The following ATL3 variants were observed in gnomAD, a reference collection of about 807,000 sequenced individuals.
ATL3 encodes atlastin GTPase 3, also known as atlastin-3.
Under a neutral mutation model 69.5 loss-of-function variants are expected in ATL3, and 49 were observed. That is an observed-to-expected ratio of 0.71 (90% CI 0.56 to 0.89). The LOEUF is 0.89. ATL3 is among the 40% of genes least tolerant of loss of function. The probability of loss-of-function intolerance (pLI) is 0.00; values close to 1 mark genes in which losing one functional copy is unlikely to be tolerated. For synonymous variants in ATL3, 214 were observed against 224.1 expected (o/e 0.95, Z 0.40); for missense variants, 606 against 645.7 (o/e 0.94, Z 0.67).
chr11:63,671,420 G>T, upstream of ATL3: 2 of 1,516,744 alleles, frequency 1.3e-6, no homozygotes, highest in Non-Finnish European at 1.8e-6. Flanking sequence ...CCCTGGAAGC[G>T]GGAAACGGGC....
intron 12 of ATL3, 69 bp from the exon 13 acceptor site, chr11:63,629,474 T>C (rs1939234571): frequency 7.2e-7 from 1 of 1,393,100 alleles, no homozygotes; most frequent in African/African-American, 1.4e-5. Context: ...AGTAAGTCCT[T>C]AAACTTTCAA....
intron 1 of ATL3, among the ~76,000 whole-genome samples, chr11:63,669,292 T>C (rs1940696142): frequency 6.6e-6 from 1 of 152,002 alleles, no homozygotes; most frequent in African/African-American, 2.4e-5. Context: ...CCCAGCACTT[T>C]GGGAGGCCGA....
chr11:63,637,867 A>T (rs535487888), intron 8 of ATL3: 41 of 152,368 alleles, frequency 2.7e-4, no homozygotes, highest in Non-Finnish European at 5.0e-4. Context: ...GTATAAAAGT[A>T]TACATAACAG....
At chr11:63,671,741 T>C, upstream of ATL3, 3 of 1,223,376 alleles carry the variant, frequency 2.5e-6, no homozygotes, top group African/African-American at 4.9e-5. Context: ...GGGGCGGGGC[T>C]TGGCGTGGTT....
chr11:63,660,982 G>A (rs1365902424), intron 1 of ATL3, among the ~76,000 whole-genome samples: 1 of 151,868 alleles, frequency 6.6e-6, no homozygotes, highest in Non-Finnish European at 1.5e-5. Context: ...GGGAGGCCAA[G>A]GCAAGCTGAT....
intron 4 of ATL3, among the ~76,000 whole-genome samples, chr11:63,652,261 CT>C (rs1405289548): frequency 2.0e-5 from 3 of 152,024 alleles, no homozygotes; most frequent in Non-Finnish European, 2.9e-5. Context: ...TTGGACTTTT[CT>C]TGGAACATAT....
intron 11 of ATL3, 64 bp downstream of exon 11, chr11:63,632,962 T>A: frequency 1.4e-6 from 2 of 1,477,954 alleles, no homozygotes; most frequent in Non-Finnish European, 1.9e-6. Context: ...CAAGTTGGGC[T>A]TTTGAAGTCA....
At chr11:63,638,718 A>G (rs936391788) in intron 8 of ATL3, among the ~76,000 whole-genome samples, 3 of 151,426 alleles carry the variant, frequency 2.0e-5, no homozygotes, top group African/African-American at 7.3e-5. Flanking sequence ...CTCAAAAAAC[A>G]AAACAAAACA....
chr11:63,654,839 G>C (rs1007617735), intron 3 of ATL3, among the ~76,000 whole-genome samples: 1 of 150,848 alleles, frequency 6.6e-6, no homozygotes, highest in African/African-American at 2.4e-5. Context: ...TGGGATTACA[G>C]GTGCACACCA....
At chr11:63,632,746 G>C (rs1939364504) in intron 11 of ATL3, 4 of 1,075,904 alleles carry the variant, frequency 3.7e-6, no homozygotes, top group Non-Finnish European at 5.7e-6. Flanking sequence ...CTTTTGACTT[G>C]ATTATTGTCT....
At chr11:63,635,673 C>T (rs1441792475) in intron 9 of ATL3, 83 bp from the exon 10 acceptor site, 2 of 1,097,126 alleles carry the variant, frequency 1.8e-6, no homozygotes, top group South Asian at 1.4e-5. Flanking sequence ...AGTGACCATA[C>T]AACTGCATTT....
chr11:63,657,883 G>A (rs372271786), intron 3 of ATL3, among the ~76,000 whole-genome samples: 6 of 147,016 alleles, frequency 4.1e-5, no homozygotes, highest in East Asian at 4.0e-4. Context: ...TTGAGACGGA[G>A]TCTCGTACTG....
At chr11:63,660,770 A>G (rs1470945304) in intron 1 of ATL3, among the ~76,000 whole-genome samples, 1 of 152,144 alleles carries the variant, frequency 6.6e-6, no homozygotes, top group Non-Finnish European at 1.5e-5. Context: ...AGCTTTACTC[A>G]AAACAGTCCA....
intron 5 of ATL3, 127 bp from the exon 6 acceptor site, chr11:63,646,690 G>T: frequency 1.9e-6 from 1 of 520,172 alleles, no homozygotes; most frequent in Non-Finnish European, 3.4e-6. Flanking sequence ...GCCCACAGGA[G>T]TCATGAACCT....
rs928419128 is a variant in ATL3, at chr11:63,627,830, G to A, written c.*1489C>T. 6.6e-6 allele frequency: 1 copy of A among 152,078 alleles called. No homozygotes were observed. Among genetic ancestry groups the A allele is most frequent in the Non-Finnish European group, 1.5e-5 (1 of 68,004 alleles). The allele number at this position is 152,078 out of a possible 1,614,324, so 9.4% of individuals were successfully genotyped here. On this transcript the variant is annotated 3_prime_UTR_variant, in exon 13 of 13. Transcript: ENST00000398868. ...GGGTAGGACTTTGATCCTTGCTAAG[G>A]CAAAGCTATCTTAAAGCTACCAGAC...
At position 63,625,513 on chromosome 11, in the gene ATL3, C is replaced by T. The variant is rs1939078159; in HGVS notation, c.*3806G>A. The T allele has an allele frequency of 6.6e-6, 1 of 152,132 alleles. No homozygotes were observed. Among genetic ancestry groups the T allele is most frequent in the African/African-American group, 2.4e-5 (1 of 41,412 alleles). The allele number at this position is 152,132 out of a possible 1,614,324, so 9.4% of individuals were successfully genotyped here. On this transcript the variant is annotated 3_prime_UTR_variant, in exon 13 of 13. Transcript: ENST00000398868. ...TTTTGCATGGACTTGATTCAATCTA[C>T]TTAATTTTGCTATAACTCATACATA...
intron 3 of ATL3, among the ~76,000 whole-genome samples, chr11:63,653,464 CA>C (rs879281908): frequency 4.3e-4 from 57 of 132,276 alleles, no homozygotes; most frequent in Admixed American, 6.0e-4. Context: ...GATTTTGTCC[CA>C]AAAAAAAAAA....
In ATL3 at chr11:63,662,763, C is replaced by T. The variant is rs775175334; in HGVS notation, c.47-3511G>A. Among the ~76,000 whole-genome samples, 10 of 152,158 alleles carry T rather than the reference C, an allele frequency of 6.6e-5. No homozygotes were observed. The East Asian group carries it at 1.5e-3, about 24-fold the overall frequency. On this transcript the variant is annotated intron_variant, in intron 1 of 12. Transcript: ENST00000398868. The stretch of plus-strand genomic sequence containing the variant: ...CAAAGTGTTGGGATTACAGCGACAC[C>T]GTACCCAGCCAAGAAGTCAATTTAA...
intron 11 of ATL3, 83 bp downstream of exon 11, chr11:63,632,943 A>T: frequency 7.9e-7 from 1 of 1,263,816 alleles, no homozygotes; most frequent in Non-Finnish European, 1.2e-6. Context: ...AAGATACATT[A>T]AGTAGGATCA....
Sources: gnomAD v4.1 joint callset for allele counts (sites outside exome capture counted in the v4.1 genomes callset) on GRCh38, gnomAD v4.1.1 for gene constraint, MANE v1.5 for transcripts, NCBI Gene and HGNC (gene_info 2026-07-23, HGNC 2026-07-21) for gene names.